Variants in NLK observed in about 807,000 individuals in gnomAD.
NLK encodes nemo like kinase, also known as serine/threonine-protein kinase NLK.
In NLK, 11 loss-of-function variants were observed where a neutral mutation model predicts 59.0. The ratio of observed to expected loss-of-function variants is 0.19; its 90% confidence interval spans 0.12 to 0.31. The LOEUF is 0.31. Among genes scored for constraint, NLK ranks in the 10% least tolerant of loss-of-function variants. The pLI is 1.00. For synonymous variants in NLK, 235 were observed against 235.9 expected (o/e 1.00, Z 0.03); for missense variants, 410 against 661.1 (o/e 0.62, Z 4.16).
At chr17:28,064,278 A>T (rs1371739513) in intron 1 of NLK, among the ~76,000 whole-genome samples, 1 of 143,162 alleles carries the variant, frequency 7.0e-6, no homozygotes. Flanking sequence ...AACTAGGGCT[A>T]TGGGCATGTA....
At chr17:28,054,053 A>G (rs1909355853) in intron 1 of NLK, among the ~76,000 whole-genome samples, 2 of 152,212 alleles carry the variant, frequency 1.3e-5, no homozygotes, top group African/African-American at 4.8e-5. Context: ...CTTGATTTCT[A>G]TATTTACTTC....
intron 1 of NLK, among the ~76,000 whole-genome samples, chr17:28,051,968 A>G (rs1006406655): frequency 6.6e-6 from 1 of 151,998 alleles, no homozygotes; most frequent in African/African-American, 2.4e-5. Flanking sequence ...CAGAGTGGTG[A>G]CTTTTATAGA....
At position 28,163,207 on chromosome 17, in the gene NLK, C is replaced by T. The variant is rs1451146933; in HGVS notation, c.752-336C>T. ...GCTCCGAGTTGCAGGTTAAGAGTAT[C>T]AATAGCAGCAGTCCAATAGCCACAC... On this transcript the variant is annotated intron_variant, in intron 4 of 10. Coordinates refer to ENST00000407008, the MANE Select transcript of NLK (RefSeq NM_016231.5). Among the ~76,000 whole-genome samples, 3 of 152,322 alleles carry T rather than the reference C, an allele frequency of 2.0e-5. No individual in the cohort carries two copies. In the East Asian group the frequency reaches 5.8e-4, roughly 29 times the overall value.
At chr17:28,203,849 C>T in the NLK span, among the ~76,000 whole-genome samples, 30 of 152,170 alleles carry the variant, frequency 2.0e-4, no homozygotes, top group African/African-American at 7.2e-4. Flanking sequence ...GTTGATCTTT[C>T]TCGTCGCCCC....
At chr17:28,167,834 A>C (rs1369768459) in intron 5 of NLK, among the ~76,000 whole-genome samples, 8 of 152,104 alleles carry the variant, frequency 5.3e-5, no homozygotes. Flanking sequence ...CCCTGTCTAA[A>C]AAAATAAATA....
chr17:28,111,861 C>CGT (rs144479598), intron 1 of NLK, among the ~76,000 whole-genome samples: 1,527 of 73,866 alleles, frequency 0.021, 86 homozygotes, highest in East Asian at 0.059. Context: ...AGGCTTATAC[C>CGT]GTGTGTGTGT....
intron 1 of NLK, among the ~76,000 whole-genome samples, chr17:28,121,495 CTTTT>C (rs58647578): frequency 4.6e-4 from 33 of 72,298 alleles, no homozygotes; most frequent in African/African-American, 1.6e-3. Flanking sequence ...TCTTTCTTTT[CTTTT>C]TTTTTTTTTT....
intron 1 of NLK, among the ~76,000 whole-genome samples, chr17:28,077,292 C>T (rs1489650272): frequency 4.0e-5 from 6 of 151,372 alleles, no homozygotes; most frequent in Non-Finnish European, 8.8e-5. Context: ...TGGTGGGAGG[C>T]GAAAGGCACC....
At chr17:28,107,382 C>T (rs1905230040) in intron 1 of NLK, among the ~76,000 whole-genome samples, 1 of 151,838 alleles carries the variant, frequency 6.6e-6, no homozygotes, top group African/African-American at 2.4e-5. Flanking sequence ...TTGCAGTGAG[C>T]CAAGACCACA....
chr17:28,204,711 TAG>T, the NLK span, among the ~76,000 whole-genome samples: 1 of 152,268 alleles, frequency 6.6e-6, no homozygotes, highest in Non-Finnish European at 1.5e-5. Flanking sequence ...ATCAATTACA[TAG>T]AGTGCTAGAA....
chr17:28,204,565 G>T, the NLK span, among the ~76,000 whole-genome samples: 1 of 152,294 alleles, frequency 6.6e-6, no homozygotes, highest in East Asian at 1.9e-4. Flanking sequence ...CATTCATTCA[G>T]CAAGTATTAC....
intron 6 of NLK, among the ~76,000 whole-genome samples, chr17:28,170,539 T>A (rs1567735527): frequency 6.6e-6 from 1 of 152,196 alleles, no homozygotes; most frequent in Admixed American, 6.5e-5. Context: ...GTTAAAAAAA[T>A]TATGTACATA....
intron 1 of NLK, among the ~76,000 whole-genome samples, chr17:28,061,790 TATATACATATATAC>T (rs1167821944): frequency 2.7e-5 from 4 of 145,964 alleles, no homozygotes; most frequent in African/African-American, 1.0e-4. Flanking sequence ...ACATATATAA[TATATACATATATAC>T]ATATACATAT....
intron 1 of NLK, among the ~76,000 whole-genome samples, chr17:28,074,330 T>G (rs1012437366): frequency 6.6e-6 from 1 of 152,162 alleles, no homozygotes; most frequent in African/African-American, 2.4e-5. Flanking sequence ...CCCCTGAACT[T>G]AAAAGTTGGA....
In NLK at chr17:28,194,782, A is replaced by G. The variant is rs1909426033; in HGVS notation, c.*146A>G. On this transcript the variant is annotated 3_prime_UTR_variant, in exon 11 of 11. Coordinates refer to ENST00000407008, the MANE Select transcript of NLK (RefSeq NM_016231.5). Reference sequence around the variant, plus strand: ...AACCACTACTTGTATGATATGAATAATATTTAGAAATGTTACTAGACTTTT... The same window carrying G: ...AACCACTACTTGTATGATATGAATAGTATTTAGAAATGTTACTAGACTTTT... The G allele has an allele frequency of 4.5e-6, 2 of 445,938 alleles. No individual in the cohort carries two copies. The highest frequency in any genetic ancestry group is 1.6e-4 in the South Asian group (2 of 12,608). 27.6% of individuals were successfully genotyped at this position (445,938 alleles called of 1,614,324 possible). A position where few individuals can be genotyped will look rare whatever the true frequency, so the allele number is the denominator to read the frequency against.
chr17:28,101,362 T>A (rs1341893613), intron 1 of NLK, among the ~76,000 whole-genome samples: 1 of 152,172 alleles, frequency 6.6e-6, no homozygotes, highest in Non-Finnish European at 1.5e-5. Flanking sequence ...TTTTGGGAGG[T>A]TTGCCATTTG....
intron 1 of NLK, among the ~76,000 whole-genome samples, chr17:28,116,835 T>C (rs987761271): frequency 1.6e-4 from 24 of 152,208 alleles, no homozygotes; most frequent in African/African-American, 5.3e-4. Flanking sequence ...TAAAAATAAG[T>C]GCATTTTTGT....
At chr17:28,112,458 T>C (rs991859104) in intron 1 of NLK, among the ~76,000 whole-genome samples, 1 of 152,136 alleles carries the variant, frequency 6.6e-6, no homozygotes, top group Non-Finnish European at 1.5e-5. Context: ...AAGCTGTGAC[T>C]CCCACTATTC....
At chr17:28,135,107 A>G (rs1254378894) in intron 3 of NLK, among the ~76,000 whole-genome samples, 6 of 152,348 alleles carry the variant, frequency 3.9e-5, no homozygotes, top group African/African-American at 1.2e-4. Flanking sequence ...ATATAGTAGC[A>G]TTCCTATCAG....
Sources: gnomAD v4.1 joint callset for allele counts (sites outside exome capture counted in the v4.1 genomes callset) on GRCh38, gnomAD v4.1.1 for gene constraint, MANE v1.5 for transcripts, NCBI Gene and HGNC (gene_info 2026-07-23, HGNC 2026-07-21) for gene names.